The following CUL4A variants were observed in gnomAD, a reference collection of about 807,000 sequenced individuals.
CUL4A encodes cullin-4A.
Under a neutral mutation model 95.5 loss-of-function variants are expected in CUL4A, and 16 were observed. The ratio of observed to expected loss-of-function variants is 0.17; its 90% CI spans 0.11 to 0.25. The LOEUF (loss-of-function observed/expected upper bound fraction) is 0.25. Ranked by LOEUF, CUL4A falls within the 10% of genes least tolerant of loss-of-function variation. The pLI is 1.00. For synonymous variants in CUL4A, 380 were observed against 353.1 expected, an observed-to-expected ratio of 1.08 and a Z score of -0.85; for missense variants, 610 against 937.0, an observed-to-expected ratio of 0.65 and a Z score of 4.56.
At chr13:113,216,697 T>C (rs2040706707) in intron 2 of CUL4A, among the ~76,000 whole-genome samples, 1 of 152,194 alleles carries the variant, frequency 6.6e-6, no homozygotes, top group Non-Finnish European at 1.5e-5. Context: ...CAAAGTATGA[T>C]TGAGTGTCAA....
intron 2 of CUL4A, among the ~76,000 whole-genome samples, chr13:113,214,350 TG>T (rs370814713): frequency 6.6e-6 from 1 of 152,344 alleles, no homozygotes; most frequent in African/African-American, 2.4e-5. Context: ...CTGAAGAAAG[TG>T]CATCTTCTGT....
intron 3 of CUL4A, among the ~76,000 whole-genome samples, chr13:113,223,364 ACT>A (rs937308600): frequency 1.3e-5 from 2 of 151,932 alleles, no homozygotes; most frequent in Non-Finnish European, 2.9e-5. Context: ...ACTTCAAGTA[ACT>A]CTACTTTCTA....
At chr13:113,230,776 A>AG (rs1200533576) in intron 5 of CUL4A, among the ~76,000 whole-genome samples, 64 of 146,442 alleles carry the variant, frequency 4.4e-4, no homozygotes, top group African/African-American at 1.4e-3. Context: ...TATTATTATT[A>AG]TTATTATTTT....
intron 15 of CUL4A, among the ~76,000 whole-genome samples, chr13:113,248,595 C>T (rs1384353108): frequency 6.6e-6 from 1 of 152,080 alleles, no homozygotes; most frequent in African/African-American, 2.4e-5. Context: ...GGTTCAGTAA[C>T]ATCCAGTGCA....
intron 19 of CUL4A, among the ~76,000 whole-genome samples, chr13:113,262,010 C>G (rs1229471170): frequency 6.6e-6 from 1 of 152,182 alleles, no homozygotes; most frequent in African/African-American, 2.4e-5. Flanking sequence ...AAACTCCTGA[C>G]CTCGTGATCC....
At chr13:113,210,356 C>T (rs2040349828) in intron 2 of CUL4A, among the ~76,000 whole-genome samples, 1 of 152,188 alleles carries the variant, frequency 6.6e-6, no homozygotes, top group Admixed American at 6.5e-5. Flanking sequence ...CTAGGAGCCA[C>T]GTGACTCATA....
chr13:113,209,577 G>A (rs1365125903), upstream of CUL4A: 4 of 965,220 alleles, frequency 4.1e-6, no homozygotes, highest in Non-Finnish European at 4.9e-6. Context: ...GCGGAGCGGA[G>A]CTCGGCGGGC....
chr13:113,262,520 C>T (rs969221839), intron 19 of CUL4A, among the ~76,000 whole-genome samples: 2 of 152,112 alleles, frequency 1.3e-5, no homozygotes, highest in Non-Finnish European at 2.9e-5. Context: ...TGGTGGTGTG[C>T]AGCCTGTGAT....
At chr13:113,234,983 A>G (rs1246035150) in intron 7 of CUL4A, 80 bp from the exon 8 acceptor site, 1 of 1,063,846 alleles carries the variant, frequency 9.4e-7, no homozygotes, top group South Asian at 1.5e-5. Context: ...AATTACATGT[A>G]AGGAAAACAA....
chr13:113,254,929 T>G, intron 17 of CUL4A, 24 bp from the exon 18 acceptor site: 4 of 1,608,024 alleles, frequency 2.5e-6, no homozygotes, highest in Non-Finnish European at 3.4e-6. Context: ...CGCCAGCCTT[T>G]GCCTGCATTT....
Position 113,244,523 on chromosome 13 carries a change from C to T in CUL4A, c.1333+9C>T, listed in dbSNP as rs961688630. The T allele has an allele frequency of 2.5e-6, 4 of 1,597,810 alleles. No homozygotes were observed. In the African/African-American group the frequency reaches 4.0e-5, roughly 16 times the overall value. On this transcript the variant is annotated intron_variant, in intron 12 of 19. Transcript: ENST00000375440. ...GTTCAGGTTTATCCACGGTGAGACT[C>T]GGGCACTCAGAAAATGCTGCATAAT...
intron 9 of CUL4A, among the ~76,000 whole-genome samples, chr13:113,238,473 A>C (rs777425741): frequency 1.3e-5 from 2 of 152,080 alleles, no homozygotes; most frequent in Non-Finnish European, 2.9e-5. Flanking sequence ...AAATAGTAGA[A>C]ATTTGCATAA....
intron 12 of CUL4A, 128 bp from the exon 13 acceptor site, chr13:113,244,821 C>G: frequency 4.6e-6 from 3 of 651,172 alleles, no homozygotes; most frequent in Non-Finnish European, 7.8e-6. Context: ...GCCTGGGCAA[C>G]AGAGCAAGAC....
At chr13:113,228,606 A>G (rs2041193714) in intron 4 of CUL4A, among the ~76,000 whole-genome samples, 1 of 151,948 alleles carries the variant, frequency 6.6e-6, no homozygotes, top group Non-Finnish European at 1.5e-5. Context: ...TCTGTTGGGA[A>G]GGGTTTGGTG....
chr13:113,257,936 G>A (rs549895860), intron 18 of CUL4A, among the ~76,000 whole-genome samples: 144 of 152,020 alleles, frequency 9.5e-4, no homozygotes, highest in Non-Finnish European at 1.5e-3. Context: ...ACCTTATTAT[G>A]TATCAAATTC....
chr13:113,208,859 G>A (rs1595316958), upstream of CUL4A: 3 of 1,405,802 alleles, frequency 2.1e-6, no homozygotes, highest in East Asian at 5.5e-5. Context: ...GGACGCCAGC[G>A]GCTCTGATTG....
At chr13:113,242,689 G>A (rs932081119) in intron 10 of CUL4A, among the ~76,000 whole-genome samples, 2 of 152,138 alleles carry the variant, frequency 1.3e-5, no homozygotes, top group African/African-American at 4.8e-5. Flanking sequence ...AGGAGGCTGA[G>A]GTGGGAGGAT....
chr13:113,242,131 A>G (rs1201490007), intron 10 of CUL4A, among the ~76,000 whole-genome samples: 1 of 152,112 alleles, frequency 6.6e-6, no homozygotes, highest in African/African-American at 2.4e-5. Flanking sequence ...CCTGGCCAAC[A>G]TGGTGAAACC....
rs185353162 is a variant in CUL4A, at chr13:113,263,475, C to A, written c.2185-12C>A. The A allele has an allele frequency of 3.9e-4, 607 of 1,569,182 alleles. 3 individuals are homozygous for A. The African/African-American group carries it at 7.5e-3, about 19-fold the overall frequency. ...CCATTGTAATTAGGGGGGTTTTATT[C>A]TTCTTTTTTAGCCTGGAGATTTGAA... is the stretch of plus-strand genomic sequence containing the variant. On this transcript the variant is annotated splice_polypyrimidine_tract_variant and intron_variant, in intron 19 of 19. Coordinates refer to ENST00000375440, the MANE Select transcript of CUL4A (RefSeq NM_001008895.4).
Sources: allele counts gnomAD v4.1 joint callset (sites outside exome capture counted in the v4.1 genomes callset), GRCh38; gene constraint gnomAD v4.1.1; transcripts MANE v1.5; gene names NCBI Gene and HGNC (gene_info 2026-07-23, HGNC 2026-07-21).